Variants in RAB3A observed in about 807,000 individuals in gnomAD.
RAB3A encodes RAB3A, member RAS oncogene family, also known as ras-related protein Rab-3A.
Under a neutral mutation model 19.7 loss-of-function variants are expected in RAB3A, and 5 were observed. That is an observed-to-expected ratio of 0.25 (90% CI 0.13 to 0.53). The LOEUF is 0.53. Among genes scored for constraint, RAB3A ranks in the 20% least tolerant of loss-of-function variants. The pLI, the probability that RAB3A is intolerant of heterozygous loss-of-function variation, is 0.95. For synonymous variants in RAB3A, 119 were observed against 122.1 expected (o/e 0.97, Z 0.17); for missense variants, 189 against 305.6 (o/e 0.62, Z 2.85).
chr19:18,200,296 G>GAA, intron 3 of RAB3A, 31 bp downstream of exon 3: 1 of 1,498,336 alleles, frequency 6.7e-7, no homozygotes, highest in Non-Finnish European at 9.1e-7. Flanking sequence ...GAAAAGAAAA[G>GAA]AAAAAAAAAG....
intron 3 of RAB3A, 26 bp from the exon 4 acceptor site, chr19:18,198,875 G>A: frequency 6.2e-7 from 1 of 1,610,744 alleles, no homozygotes; most frequent in Non-Finnish European, 8.5e-7. Context: ...ATGGGGGCAG[G>A]TCAGGGCTTG....
At chr19:18,198,164 T>G (rs1240915564) in intron 4 of RAB3A, among the ~76,000 whole-genome samples, 1 of 152,086 alleles carries the variant, frequency 6.6e-6, no homozygotes, top group African/African-American at 2.4e-5. Flanking sequence ...CAAATCCAGC[T>G]GTGACCTCCC....
chr19:18,203,029 A>T (rs1241848920), intron 1 of RAB3A, among the ~76,000 whole-genome samples: 1 of 152,168 alleles, frequency 6.6e-6, no homozygotes, highest in Non-Finnish European at 1.5e-5. Context: ...CCCTAAACCC[A>T]GGGCTGAGCC....
rs1967545201 is a variant in RAB3A at position 18,197,436 on chromosome 19, G to A, written c.*34C>T. 1.3e-6 allele frequency: 2 copies of A among 1,588,180 alleles called. No homozygotes were observed. Among genetic ancestry groups the A allele is most frequent in the Middle Eastern group, 2.1e-4 (1 of 4,658 alleles). On this transcript the variant is annotated 3_prime_UTR_variant, in exon 5 of 5. Transcript: ENST00000222256. ...CGGGTAGTTGGGGGAAGGTGGGGAA[G>A]ACAGGGAAGAGGGGAAAGGGAGTGG...
At chr19:18,198,016 T>C (rs1407480886) in intron 4 of RAB3A, among the ~76,000 whole-genome samples, 1 of 151,762 alleles carries the variant, frequency 6.6e-6, no homozygotes, top group African/African-American at 2.4e-5. Context: ...TTGCTGGGAT[T>C]ATAGGTGTGA....
Position 18,202,753 on chromosome 19 carries a change from G to T in RAB3A, c.1-13C>A, listed in dbSNP as rs759815833. 6.2e-7 allele frequency: 1 copy of T among 1,609,308 alleles called. No homozygotes were observed. The highest frequency in any genetic ancestry group is 1.3e-5 in the African/African-American group (1 of 74,942). The stretch of plus-strand genomic sequence containing the variant: ...TGGCGGATGCCATCTGGGGATACCG[G>T]GTGTAGCAGAGCCGTGAGGGGGGCT... On this transcript the variant is annotated splice_polypyrimidine_tract_variant and intron_variant, in intron 1 of 4. Coordinates refer to ENST00000222256, the MANE Select transcript of RAB3A (RefSeq NM_002866.5). The surrounding 1 kb of genome is among the most constrained non-coding windows in gnomAD (Gnocchi z 4.2).
chr19:18,200,212 G>T (rs1967588446), intron 3 of RAB3A, 115 bp downstream of exon 3: 1 of 774,904 alleles, frequency 1.3e-6, no homozygotes, highest in Admixed American at 2.9e-5. Context: ...GAGCCCAGGA[G>T]GTCGAGGCTG....
chr19:18,202,388 A>G lies in RAB3A; in HGVS notation c.228+125T>C. On this transcript the variant is annotated intron_variant, in intron 2 of 4. Transcript: ENST00000222256. This position sits in a 1 kb window ranked among gnomAD's most constrained non-coding sequence, Gnocchi z 4.2. ...TGCCCCGGTACACAGTGGGCACCTT[A>G]CTGATAAATGCCCAGTGTGTAAGTG... 1 of 833,802 alleles carries G rather than the reference A, an allele frequency of 1.2e-6. No homozygotes were observed. Among genetic ancestry groups the G allele is most frequent in the Admixed American group, 2.2e-5 (1 of 44,898 alleles). The allele number at this position is 833,802 out of a possible 1,614,324, so 51.7% of individuals were successfully genotyped here.
chr19:18,202,427 AG>A lies in RAB3A; in HGVS notation c.228+85del, dbSNP rs907440376. The A allele has an allele frequency of 3.2e-6, 4 of 1,239,010 alleles. No individual in the cohort carries two copies. Among genetic ancestry groups the A allele is most frequent in the African/African-American group, 3.0e-5 (2 of 67,286 alleles). The allele number at this position is 1,239,010 out of a possible 1,614,324, so 76.8% of individuals were successfully genotyped here. ...AGTGTGTAAGTGAATGACTCCAGTC[AG>A]GAAAGAGATAGACGAGGTTGGGGCT... On this transcript the variant is annotated intron_variant, in intron 2 of 4. Coordinates refer to ENST00000222256, the MANE Select transcript of RAB3A (RefSeq NM_002866.5). This position sits in a 1 kb window ranked among gnomAD's most constrained non-coding sequence, Gnocchi z 4.2.
In RAB3A at chr19:18,197,547, G is replaced by A. The variant is rs1967547405; in HGVS notation, c.586C>T (p.Pro196Ser). ...CCCTGCTTGGCGCCTGTGACCGCAG[G>A]GTCCGCCGTGTCCAACGACTCGGAC... ...KMSESLDTAD[P>S]AVTGAKQGPQ... Residue 196 changes from proline (P) to serine (S), a missense_variant, in exon 5 of 5, where the codon CCT becomes TCT. Pro to Ser is a moderately conservative substitution (Grantham distance 74). Transcript: ENST00000222256. The A allele has an allele frequency of 1.9e-6, 3 of 1,613,778 alleles. No homozygotes were observed. Among genetic ancestry groups the A allele is most frequent in the Non-Finnish European group, 2.5e-6 (3 of 1,179,992 alleles).
intron 2 of RAB3A, among the ~76,000 whole-genome samples, chr19:18,201,262 AAAAAG>A (rs1357487591): frequency 7.0e-5 from 9 of 128,266 alleles, no homozygotes; most frequent in South Asian, 5.2e-4. Flanking sequence ...AAAAAAAAAA[AAAAAG>A]AAAGAAAGAA....
At position 18,197,144 on chromosome 19, in the gene RAB3A, T is replaced by G. The variant is rs1967537928; in HGVS notation, c.*326A>C. On this transcript the variant is annotated 3_prime_UTR_variant, in exon 5 of 5. Transcript: ENST00000222256. The stretch of plus-strand genomic sequence containing the variant: ...CTGGCCCCTCTTCACAACTGACAAC[T>G]GTGGATGGGGGTGAATTTTAAAAAA... The G allele has an allele frequency of 1.1e-5, 3 of 269,432 alleles. No individual in the cohort carries two copies. The highest frequency in any genetic ancestry group is 1.3e-5 in the Non-Finnish European group (2 of 157,082). The allele number at this position is 269,432 out of a possible 1,614,324, so 16.7% of individuals were successfully genotyped here.
Position 18,197,340 on chromosome 19 carries a change from T to A in RAB3A, c.*130A>T. 1.2e-6 allele frequency: 1 copy of A among 820,026 alleles called. No individual in the cohort carries two copies. Among genetic ancestry groups the A allele is most frequent in the East Asian group, 2.8e-5 (1 of 35,468 alleles). The allele number at this position is 820,026 out of a possible 1,614,324, so 50.8% of individuals were successfully genotyped here. ...ATAAATAAATAAATAGCTACAATAATAAATAAGGGTGACGGGCTAAGTCAG... is the reference window on the plus strand; with the variant it reads ...ATAAATAAATAAATAGCTACAATAAAAAATAAGGGTGACGGGCTAAGTCAG... On this transcript the variant is annotated 3_prime_UTR_variant, in exon 5 of 5. Transcript: ENST00000222256.
chr19:18,202,117 T>C lies in RAB3A; in HGVS notation c.228+396A>G, dbSNP rs1389569366. On this transcript the variant is annotated intron_variant, in intron 2 of 4. Transcript: ENST00000222256. This position sits in a 1 kb window ranked among gnomAD's most constrained non-coding sequence, Gnocchi z 4.2. ...GCGTGGTGGTAGAAGCCCGTGGTCC[T>C]AGCTACTCAGGAGGCTCAGGTGGAA... 6.6e-6 allele frequency among the ~76,000 whole-genome samples: 1 copy of C among 152,030 alleles called. No homozygotes were observed. The highest frequency in any genetic ancestry group is 2.4e-5 in the African/African-American group (1 of 41,418).
chr19:18,200,948 G>C (rs1422034437), intron 2 of RAB3A, among the ~76,000 whole-genome samples: 1 of 149,794 alleles, frequency 6.7e-6, no homozygotes, highest in Non-Finnish European at 1.5e-5. Flanking sequence ...AAACAAACAG[G>C]GGGTCGGGTG....
At chr19:18,200,752 T>C (rs548302316) in intron 2 of RAB3A, among the ~76,000 whole-genome samples, 1 of 151,820 alleles carries the variant, frequency 6.6e-6, no homozygotes, top group Non-Finnish European at 1.5e-5. Context: ...CTGAGCAACA[T>C]AGCAAGACCC....
rs3803919 is a variant in RAB3A, at chr19:18,200,301, A to C, written c.347+26T>G. The C allele has an allele frequency of 2.4e-5, 37 of 1,527,334 alleles. No individual in the cohort carries two copies. The Admixed American group carries it at 7.0e-4, about 29-fold the overall frequency. The allele number at this position is 1,527,334 out of a possible 1,614,324, so 94.6% of individuals were successfully genotyped here. On this transcript the variant is annotated intron_variant, in intron 3 of 4. Coordinates refer to ENST00000222256, the MANE Select transcript of RAB3A (RefSeq NM_002866.5). The stretch of plus-strand genomic sequence containing the variant: ...CTCTCTCAAAGAAAAGAAAAGAAAA[A>C]AAAAGAGCAAGTGGGGTACACTCAC...
chr19:18,201,427 C>CA (rs979432117), intron 2 of RAB3A, among the ~76,000 whole-genome samples: 29 of 147,840 alleles, frequency 2.0e-4, no homozygotes, highest in South Asian at 8.6e-4. Flanking sequence ...ACTAAAAATA[C>CA]AAAAAAAAAT....
chr19:18,200,522 C>T (rs761431892), intron 2 of RAB3A, 77 bp from the exon 3 acceptor site: 7 of 1,228,688 alleles, frequency 5.7e-6, no homozygotes, highest in African/African-American at 1.5e-5. Flanking sequence ...TGATATCATC[C>T]AGTTCAGCCC....
Sources: allele counts gnomAD v4.1 joint callset (sites outside exome capture counted in the v4.1 genomes callset), GRCh38; gene constraint gnomAD v4.1.1; non-coding constraint Gnocchi (gnomAD v3.1); transcripts MANE v1.5; gene names NCBI Gene and HGNC (gene_info 2026-07-23, HGNC 2026-07-21).